Variants in RBFOX2 observed in about 807,000 individuals in gnomAD.
The protein encoded by RBFOX2 is RNA binding fox-1 homolog 2, also known as RNA binding protein fox-1 homolog 2.
In RBFOX2, 10 loss-of-function variants were observed where a neutral mutation model predicts 49.1. The observed-to-expected ratio is 0.20, with a 90% CI of 0.13 to 0.35. The LOEUF is 0.35. RBFOX2 is among the 10% of genes least tolerant of loss of function. The pLI is 1.00. For synonymous variants in RBFOX2, 183 were observed against 187.4 expected, an observed-to-expected ratio of 0.98 and a Z score of 0.19; for missense variants, 323 against 486.9, an observed-to-expected ratio of 0.66 and a Z score of 3.17.
At chr22:35,776,441 T>C (rs1179176229) in intron 4 of RBFOX2, among the ~76,000 whole-genome samples, 2 of 152,212 alleles carry the variant, frequency 1.3e-5, no homozygotes, top group East Asian at 1.9e-4. Context: ...ATAGTCAGGA[T>C]TAAACACTTT....
At chr22:35,930,486 T>C (rs562239126) in intron 1 of RBFOX2, among the ~76,000 whole-genome samples, 3 of 152,162 alleles carry the variant, frequency 2.0e-5, no homozygotes, top group Admixed American at 1.3e-4. Context: ...TCAATAAATA[T>C]TGATTTGACC....
chr22:35,819,135 T>C, intron 1 of RBFOX2, among the ~76,000 whole-genome samples: 1 of 152,152 alleles, frequency 6.6e-6, no homozygotes, highest in East Asian at 1.9e-4. Flanking sequence ...AATGAAGTGA[T>C]GATGAGCATA....
chr22:35,987,809 C>A (rs2057787230), intron 1 of RBFOX2, among the ~76,000 whole-genome samples: 1 of 152,208 alleles, frequency 6.6e-6, no homozygotes. Context: ...GGGCCCCCAA[C>A]TGCCAAATGC....
At chr22:35,961,049 T>A (rs2056147052) in intron 1 of RBFOX2, among the ~76,000 whole-genome samples, 1 of 152,208 alleles carries the variant, frequency 6.6e-6, no homozygotes, top group South Asian at 2.1e-4. Context: ...TCAGAACAAC[T>A]GTCTTGAAGC....
chr22:35,972,532 G>C (rs1234230555), intron 1 of RBFOX2, among the ~76,000 whole-genome samples: 1 of 151,970 alleles, frequency 6.6e-6, no homozygotes, highest in Non-Finnish European at 1.5e-5. Flanking sequence ...TAGCCATATG[G>C]CTTGGAATAA....
Position 35,846,456 on chromosome 22 carries a change from A to G in RBFOX2, c.-33-36452T>C, listed in dbSNP as rs572403534. On this transcript the variant is annotated intron_variant, in intron 1 of 13. Transcript: ENST00000359369. Reference sequence around the variant, plus strand: ...ATTTTGAGGACCTGAGCATACCTCAATATCAAAAGTGTCCTTTAGGCTGGG... The same window carrying G: ...ATTTTGAGGACCTGAGCATACCTCAGTATCAAAAGTGTCCTTTAGGCTGGG... 3.9e-5 allele frequency among the ~76,000 whole-genome samples: 6 copies of G among 151,982 alleles called. No homozygotes were observed. In the South Asian group the frequency reaches 6.2e-4, roughly 16 times the overall value.
rs528806172 is a variant in RBFOX2 at position 35,830,886 on chromosome 22, A to G, written c.27+9306T>C. On this transcript the variant is annotated intron_variant, in intron 1 of 11. Coordinates refer to ENST00000405409, the Ensembl canonical transcript of RBFOX2. ...GAAGTAAAGAAGGAGAAGAATCTTC[A>G]TATTTTCTGGGGCTGGGGAAATAAG... Among the ~76,000 whole-genome samples the G allele has an allele frequency of 3.9e-5, 6 of 152,308 alleles. No individual in the cohort carries two copies. In the East Asian group the frequency reaches 7.7e-4, roughly 20 times the overall value.
intron 1 of RBFOX2, among the ~76,000 whole-genome samples, chr22:35,991,367 G>A (rs1216554214): frequency 3.3e-5 from 5 of 152,168 alleles, no homozygotes; most frequent in Non-Finnish European, 7.3e-5. Flanking sequence ...ATGGCCACAA[G>A]TATTTACATT....
At chr22:35,816,818 A>C (rs533475183) in intron 1 of RBFOX2, among the ~76,000 whole-genome samples, 4 of 152,348 alleles carry the variant, frequency 2.6e-5, no homozygotes, top group African/African-American at 9.6e-5. Context: ...TTCCTGCTTC[A>C]GTCTCAACAG....
chr22:35,808,567 G>C (rs1427106068), intron 2 of RBFOX2, among the ~76,000 whole-genome samples: 1 of 152,154 alleles, frequency 6.6e-6, no homozygotes, highest in Non-Finnish European at 1.5e-5. Context: ...ACCACACAAG[G>C]CTGGGCATGG....
chr22:35,891,432 C>T (rs557539831), intron 1 of RBFOX2, among the ~76,000 whole-genome samples: 2 of 151,676 alleles, frequency 1.3e-5, no homozygotes, highest in African/African-American at 4.9e-5. Flanking sequence ...TAAGGCCGGC[C>T]AGGGCACACT....
intron 1 of RBFOX2, chr22:35,996,329 T>C (rs1246119385): frequency 1.3e-5 from 2 of 152,160 alleles, no homozygotes; most frequent in African/African-American, 2.4e-5. Context: ...AAAATATCTG[T>C]AAGGCTGGGC....
At chr22:35,961,906 C>T (rs568927813), upstream of RBFOX2, among the ~76,000 whole-genome samples, 126 of 152,274 alleles carry the variant, frequency 8.3e-4, 1 homozygote, top group African/African-American at 3.0e-3. Context: ...TGCTTCACCT[C>T]CTCCTCTCTG....
intron 1 of RBFOX2, among the ~76,000 whole-genome samples, chr22:35,876,063 T>C (rs2045039963): frequency 6.6e-6 from 1 of 152,150 alleles, no homozygotes; most frequent in South Asian, 2.1e-4. Flanking sequence ...AGAAATCTGA[T>C]ACTTTTAATT....
chr22:35,880,518 T>C (rs2045746136), intron 1 of RBFOX2, among the ~76,000 whole-genome samples: 1 of 152,170 alleles, frequency 6.6e-6, no homozygotes, highest in Admixed American at 6.5e-5. Flanking sequence ...ACAGACAGAA[T>C]TTAACACCCA....
At chr22:35,905,785 C>T (rs2049057632) in intron 1 of RBFOX2, among the ~76,000 whole-genome samples, 2 of 152,096 alleles carry the variant, frequency 1.3e-5, no homozygotes, top group South Asian at 4.2e-4. Flanking sequence ...ATGAAATACT[C>T]TAATAGAGTC....
intron 1 of RBFOX2, among the ~76,000 whole-genome samples, chr22:35,948,592 G>T (rs1441109562): frequency 6.6e-6 from 1 of 152,094 alleles, no homozygotes. Flanking sequence ...GGCTGAAATG[G>T]GAGGATGGCT....
intron 1 of RBFOX2, chr22:35,821,980 C>T: frequency 1.9e-6 from 1 of 518,726 alleles, no homozygotes; most frequent in Non-Finnish European, 3.8e-6. Context: ...TAGCTCTACA[C>T]AACCTTCCTG....
chr22:35,909,786 G>C (rs1251212847), intron 1 of RBFOX2, among the ~76,000 whole-genome samples: 2 of 152,148 alleles, frequency 1.3e-5, no homozygotes, highest in Non-Finnish European at 2.9e-5. Flanking sequence ...TAATGTTTTT[G>C]TATTTTTAGT....
Sources: gnomAD v4.1 joint callset for allele counts (sites outside exome capture counted in the v4.1 genomes callset) on GRCh38, gnomAD v4.1.1 for gene constraint, MANE v1.5 for transcripts, NCBI Gene and HGNC (gene_info 2026-07-23, HGNC 2026-07-21) for gene names.